SMIM10L1: variants seen among roughly 807,000 people sequenced by gnomAD.
SMIM10L1 encodes the protein small integral membrane protein 10-like protein 1.
In SMIM10L1, 6 loss-of-function variants were observed where a neutral mutation model predicts 4.5. The observed-to-expected ratio is 1.33, with a 90% confidence interval of 0.73 to 2.62. The LOEUF (loss-of-function observed/expected upper bound fraction) is 2.62, where lower values mean the gene tolerates loss of function less well. Ranked by LOEUF, SMIM10L1 falls within the 30% of genes most tolerant of loss-of-function variation. The pLI, the probability that SMIM10L1 is intolerant of heterozygous loss-of-function variation, is 0.00. For synonymous variants in SMIM10L1, 49 were observed against 42.2 expected (o/e 1.16, Z -0.63); for missense variants, 66 against 86.2 (o/e 0.77, Z 0.93).
rs1176468717 is a variant in SMIM10L1, at chr12:11,171,740, AC to A, written c.*178del. On this transcript the variant is annotated 3_prime_UTR_variant, in exon 1 of 1. Transcript: ENST00000622602. The stretch of plus-strand genomic sequence containing the variant: ...CTCCTCAGGGGGCGGCCGGGAGCCT[AC>A]AATCCCTAGAAAGAGAATACGCTGT... 1 of 412,198 alleles carries A rather than the reference AC, an allele frequency of 2.4e-6. No individual in the cohort carries two copies. The highest frequency in any genetic ancestry group is 2.0e-5 in the African/African-American group (1 of 48,990). 25.5% of individuals were successfully genotyped at this position (412,198 alleles called of 1,614,324 possible). A position where few individuals can be genotyped will look rare whatever the true frequency, so the allele number is the denominator to read the frequency against.
At position 11,171,254 on chromosome 12, in the gene SMIM10L1, C is replaced by G; in HGVS notation, c.-103C>G. 1.3e-6 allele frequency: 1 copy of G among 753,360 alleles called. No individual in the cohort carries two copies. The highest frequency in any genetic ancestry group is 3.4e-5 in the East Asian group (1 of 29,390). 46.7% of individuals were successfully genotyped at this position (753,360 alleles called of 1,614,324 possible). A position where few individuals can be genotyped will look rare whatever the true frequency, so the allele number is the denominator to read the frequency against. On this transcript the variant is annotated 5_prime_UTR_variant, in exon 1 of 1. Transcript: ENST00000622602. The stretch of plus-strand genomic sequence containing the variant: ...GCAAGCTTGGGTGTGAGCCCGGGAG[C>G]CGCTTTGCTTACCGTCCTGCCGGTC...
In SMIM10L1 at chr12:11,172,998, A is replaced by G. The variant is rs1021938401; in HGVS notation, c.*1435A>G. ...TACACATGTTTTCTTCGGATTAAAA[A>G]AACTAATAATAAATCACCAAGAGTG... On this transcript the variant is annotated 3_prime_UTR_variant, in exon 1 of 1. Transcript: ENST00000622602. 2 of 152,234 alleles carry G rather than the reference A, an allele frequency of 1.3e-5. No individual in the cohort carries two copies. Among genetic ancestry groups the G allele is most frequent in the African/African-American group, 4.8e-5 (2 of 41,462 alleles). 9.4% of individuals were successfully genotyped at this position (152,234 alleles called of 1,614,324 possible).
Position 11,172,429 on chromosome 12 carries a change from T to G in SMIM10L1, c.*866T>G, listed in dbSNP as rs994549330. 1 of 152,188 alleles carries G rather than the reference T, an allele frequency of 6.6e-6. No homozygotes were observed. Among genetic ancestry groups the G allele is most frequent in the Admixed American group, 6.5e-5 (1 of 15,282 alleles). 9.4% of individuals were successfully genotyped at this position (152,188 alleles called of 1,614,324 possible). Reference sequence around the variant, plus strand: ...GGAAGTAAATGGAATGGGGGTTATGTCCTTATAAAGTGGAAACTTGAAAGG... The same window carrying G: ...GGAAGTAAATGGAATGGGGGTTATGGCCTTATAAAGTGGAAACTTGAAAGG... On this transcript the variant is annotated 3_prime_UTR_variant, in exon 1 of 1. Transcript: ENST00000622602.
Position 11,175,878 on chromosome 12 carries a change from T to G in SMIM10L1, c.*4315T>G, listed in dbSNP as rs1947938947. ...CCCAAAATAATTCCCTTACCCCTTT[T>G]GCCATGTAAGGTTATAGGGAAAAGT... On this transcript the variant is annotated 3_prime_UTR_variant, in exon 1 of 1. Coordinates refer to ENST00000622602, the MANE Select transcript of SMIM10L1 (RefSeq NM_001271592.2). The G allele has an allele frequency of 6.6e-6, 1 of 152,270 alleles. No homozygotes were observed. The highest frequency in any genetic ancestry group is 1.5e-5 in the Non-Finnish European group (1 of 68,030). 9.4% of individuals were successfully genotyped at this position (152,270 alleles called of 1,614,324 possible).
Position 11,172,997 on chromosome 12 carries a change from AAAAC to A in SMIM10L1, c.*1435_*1438del, listed in dbSNP as rs1947888321. The A allele has an allele frequency of 6.6e-6, 1 of 152,210 alleles. No homozygotes were observed. Among genetic ancestry groups the A allele is most frequent in the Non-Finnish European group, 1.5e-5 (1 of 68,026 alleles). The allele number at this position is 152,210 out of a possible 1,614,324, so 9.4% of individuals were successfully genotyped here. On this transcript the variant is annotated 3_prime_UTR_variant, in exon 1 of 1. Coordinates refer to ENST00000622602, the MANE Select transcript of SMIM10L1 (RefSeq NM_001271592.2). The stretch of plus-strand genomic sequence containing the variant: ...ATACACATGTTTTCTTCGGATTAAA[AAAAC>A]TAATAATAAATCACCAAGAGTGGTA...
Position 11,174,799 on chromosome 12 carries a change from A to G in SMIM10L1, c.*3236A>G, listed in dbSNP as rs1266328694. 1 of 152,516 alleles carries G rather than the reference A, an allele frequency of 6.6e-6. No homozygotes were observed. Among genetic ancestry groups the G allele is most frequent in the Non-Finnish European group, 1.5e-5 (1 of 67,994 alleles). 9.4% of individuals were successfully genotyped at this position (152,516 alleles called of 1,614,324 possible). On this transcript the variant is annotated 3_prime_UTR_variant, in exon 1 of 1. Transcript: ENST00000622602. ...AGTTTTTAATACCAGGAACTATGAAAAACTATTTATATACATGAGCTCCGT... is the reference window on the plus strand; with the variant it reads ...AGTTTTTAATACCAGGAACTATGAAGAACTATTTATATACATGAGCTCCGT...
rs1947913655 is a variant in SMIM10L1 at position 11,174,104 on chromosome 12, C to T, written c.*2541C>T. 1 of 151,808 alleles carries T rather than the reference C, an allele frequency of 6.6e-6. No individual in the cohort carries two copies. The highest frequency in any genetic ancestry group is 1.5e-5 in the Non-Finnish European group (1 of 67,920). The allele number at this position is 151,808 out of a possible 1,614,324, so 9.4% of individuals were successfully genotyped here. On this transcript the variant is annotated 3_prime_UTR_variant, in exon 1 of 1. Coordinates refer to ENST00000622602, the MANE Select transcript of SMIM10L1 (RefSeq NM_001271592.2). Reference sequence around the variant, plus strand: ...GGTAAATGTAAACTCTGTGGTTTATCATTTATTCACAATTGCTCTTAATTC... The same window carrying T: ...GGTAAATGTAAACTCTGTGGTTTATTATTTATTCACAATTGCTCTTAATTC...
Position 11,174,742 on chromosome 12 carries a change from A to G in SMIM10L1, c.*3179A>G, listed in dbSNP as rs895375769. On this transcript the variant is annotated 3_prime_UTR_variant, in exon 1 of 1. Transcript: ENST00000622602. ...GTGATTACTTGACAAATAGCATATC[A>G]TTACCATCAGCATCATTTTTAAAAT... 2.6e-5 allele frequency: 4 copies of G among 152,268 alleles called. No individual in the cohort carries two copies. The highest frequency in any genetic ancestry group is 9.7e-5 in the African/African-American group (4 of 41,318). The allele number at this position is 152,268 out of a possible 1,614,324, so 9.4% of individuals were successfully genotyped here. A position where few individuals can be genotyped will look rare whatever the true frequency, so the allele number is the denominator to read the frequency against.
In SMIM10L1 at chr12:11,173,337, T is replaced by C. The variant is rs539697063; in HGVS notation, c.*1774T>C. On this transcript the variant is annotated 3_prime_UTR_variant, in exon 1 of 1. Transcript: ENST00000622602. Reference sequence around the variant, plus strand: ...TTTCTACCTGAAGATACTCTGTGTTTTAAAGCTAAGCTTAGGTGGCGCTTT... The same window carrying C: ...TTTCTACCTGAAGATACTCTGTGTTCTAAAGCTAAGCTTAGGTGGCGCTTT... The C allele has an allele frequency of 7.2e-5, 11 of 152,338 alleles. No homozygotes were observed. Among genetic ancestry groups the C allele is most frequent in the African/African-American group, 2.6e-4 (11 of 41,564 alleles). The allele number at this position is 152,338 out of a possible 1,614,324, so 9.4% of individuals were successfully genotyped here. A position where few individuals can be genotyped will look rare whatever the true frequency, so the allele number is the denominator to read the frequency against.
rs554659272 is a variant in SMIM10L1, at chr12:11,172,017, C to T, written c.*454C>T. Reference sequence around the variant, plus strand: ...TGATATAGAAGGTACATATTTCATCCCACAAGAGAAAACAATAATAATCAG... The same window carrying T: ...TGATATAGAAGGTACATATTTCATCTCACAAGAGAAAACAATAATAATCAG... On this transcript the variant is annotated 3_prime_UTR_variant, in exon 1 of 1. Transcript: ENST00000622602. 2.0e-5 allele frequency: 3 copies of T among 152,450 alleles called. No homozygotes were observed. Among genetic ancestry groups the T allele is most frequent in the Admixed American group, 6.5e-5 (1 of 15,280 alleles). The allele number at this position is 152,450 out of a possible 1,614,324, so 9.4% of individuals were successfully genotyped here. A position where few individuals can be genotyped will look rare whatever the true frequency, so the allele number is the denominator to read the frequency against.
Position 11,173,536 on chromosome 12 carries a change from A to G in SMIM10L1, c.*1973A>G, listed in dbSNP as rs1263300883. 2.6e-5 allele frequency: 4 copies of G among 152,228 alleles called. No homozygotes were observed. Among genetic ancestry groups the G allele is most frequent in the African/African-American group, 9.6e-5 (4 of 41,466 alleles). The allele number at this position is 152,228 out of a possible 1,614,324, so 9.4% of individuals were successfully genotyped here. On this transcript the variant is annotated 3_prime_UTR_variant, in exon 1 of 1. Transcript: ENST00000622602. ...ATAAGCCAAAACATTTTAGTCTAAAATATCAGAAGTGTAGTTTAATCAATG... is the reference window on the plus strand; with the variant it reads ...ATAAGCCAAAACATTTTAGTCTAAAGTATCAGAAGTGTAGTTTAATCAATG...
chr12:11,171,676 A>T lies in SMIM10L1; in HGVS notation c.*113A>T, dbSNP rs970313368. 3 of 773,004 alleles carry T rather than the reference A, an allele frequency of 3.9e-6. No homozygotes were observed. Among genetic ancestry groups the T allele is most frequent in the African/African-American group, 1.8e-5 (1 of 55,922 alleles). 47.9% of individuals were successfully genotyped at this position (773,004 alleles called of 1,614,324 possible). A position where few individuals can be genotyped will look rare whatever the true frequency, so the allele number is the denominator to read the frequency against. ...GCCCCACAGTCTCGCGAGAGTGCTC[A>T]GGCGCTCTTCGTGGCTGCCCTCTTA... On this transcript the variant is annotated 3_prime_UTR_variant, in exon 1 of 1. Transcript: ENST00000622602.
chr12:11,174,724 C>T lies in SMIM10L1; in HGVS notation c.*3161C>T, dbSNP rs1333265911. On this transcript the variant is annotated 3_prime_UTR_variant, in exon 1 of 1. Transcript: ENST00000622602. Reference sequence around the variant, plus strand: ...TTCTGGGTAAAAATACATGTGATTACTTGACAAATAGCATATCATTACCAT... The same window carrying T: ...TTCTGGGTAAAAATACATGTGATTATTTGACAAATAGCATATCATTACCAT... The T allele has an allele frequency of 6.6e-6, 1 of 150,692 alleles. No individual in the cohort carries two copies. The highest frequency in any genetic ancestry group is 1.5e-5 in the Non-Finnish European group (1 of 67,670). 9.3% of individuals were successfully genotyped at this position (150,692 alleles called of 1,614,324 possible). A position where few individuals can be genotyped will look rare whatever the true frequency, so the allele number is the denominator to read the frequency against.
Position 11,171,332 on chromosome 12 carries a change from C to G in SMIM10L1, c.-25C>G. 8.1e-7 allele frequency: 1 copy of G among 1,227,984 alleles called. No individual in the cohort carries two copies. The highest frequency in any genetic ancestry group is 1.0e-6 in the Non-Finnish European group (1 of 984,318). 76.1% of individuals were successfully genotyped at this position (1,227,984 alleles called of 1,614,324 possible). A position where few individuals can be genotyped will look rare whatever the true frequency, so the allele number is the denominator to read the frequency against. On this transcript the variant is annotated 5_prime_UTR_variant, in exon 1 of 1. Transcript: ENST00000622602. ...CCTGCGGCAACCCTCGCTACAGACGCTGGGCGGGCGGCGACACCTGGCTCA... is the reference window on the plus strand; with the variant it reads ...CCTGCGGCAACCCTCGCTACAGACGGTGGGCGGGCGGCGACACCTGGCTCA...
rs550270594 is a variant in SMIM10L1 at position 11,175,321 on chromosome 12, C to T, written c.*3758C>T. 3 of 152,258 alleles carry T rather than the reference C, an allele frequency of 2.0e-5. No homozygotes were observed. The East Asian group carries it at 5.8e-4, about 29-fold the overall frequency. 9.4% of individuals were successfully genotyped at this position (152,258 alleles called of 1,614,324 possible). ...ACAATGTTAAATTTTGAAGCCATGT[C>T]TGTTCCTGTCCTGAGGATCCCTAAC... On this transcript the variant is annotated 3_prime_UTR_variant, in exon 1 of 1. Coordinates refer to ENST00000622602, the MANE Select transcript of SMIM10L1 (RefSeq NM_001271592.2).
In SMIM10L1 at chr12:11,173,395, A is replaced by G. The variant is rs191669187; in HGVS notation, c.*1832A>G. Reference sequence around the variant, plus strand: ...AAATTTTTCCTGGATTCCACTGACCATATAGGAGCTCACTTCTTTTAATCC... The same window carrying G: ...AAATTTTTCCTGGATTCCACTGACCGTATAGGAGCTCACTTCTTTTAATCC... On this transcript the variant is annotated 3_prime_UTR_variant, in exon 1 of 1. Coordinates refer to ENST00000622602, the MANE Select transcript of SMIM10L1 (RefSeq NM_001271592.2). 2.6e-5 allele frequency: 4 copies of G among 152,272 alleles called. No individual in the cohort carries two copies. The highest frequency in any genetic ancestry group is 1.9e-4 in the East Asian group (1 of 5,190). The allele number at this position is 152,272 out of a possible 1,614,324, so 9.4% of individuals were successfully genotyped here.
rs1192107588 is a variant in SMIM10L1, at chr12:11,171,321, C to G, written c.-36C>G. The G allele has an allele frequency of 2.5e-6, 3 of 1,217,448 alleles. No homozygotes were observed. The highest frequency in any genetic ancestry group is 3.1e-6 in the Non-Finnish European group (3 of 974,822). 75.4% of individuals were successfully genotyped at this position (1,217,448 alleles called of 1,614,324 possible). A position where few individuals can be genotyped will look rare whatever the true frequency, so the allele number is the denominator to read the frequency against. ...GGTCCGCGGGCCCTGCGGCAACCCT[C>G]GCTACAGACGCTGGGCGGGCGGCGA... On this transcript the variant is annotated 5_prime_UTR_variant, in exon 1 of 1. Transcript: ENST00000622602.
At position 11,171,718 on chromosome 12, in the gene SMIM10L1, C is replaced by T. The variant is rs559411793; in HGVS notation, c.*155C>T. 9.5e-4 allele frequency: 449 copies of T among 474,460 alleles called. 1 individual carries two copies. Among genetic ancestry groups the T allele is most frequent in the Non-Finnish European group, 1.3e-3 (398 of 296,842 alleles). 29.4% of individuals were successfully genotyped at this position (474,460 alleles called of 1,614,324 possible). A position where few individuals can be genotyped will look rare whatever the true frequency, so the allele number is the denominator to read the frequency against. Reference sequence around the variant, plus strand: ...GCCCTCTTAGCTGCTAGCGGAGCTCCTCAGGGGGCGGCCGGGAGCCTACAA... The same window carrying T: ...GCCCTCTTAGCTGCTAGCGGAGCTCTTCAGGGGGCGGCCGGGAGCCTACAA... On this transcript the variant is annotated 3_prime_UTR_variant, in exon 1 of 1. Coordinates refer to ENST00000622602, the MANE Select transcript of SMIM10L1 (RefSeq NM_001271592.2).
At position 11,174,093 on chromosome 12, in the gene SMIM10L1, CTG is replaced by C. The variant is rs997460577; in HGVS notation, c.*2533_*2534del. ...ATGTATTAGGAGGTAAATGTAAACT[CTG>C]TGGTTTATCATTTATTCACAATTGC... On this transcript the variant is annotated 3_prime_UTR_variant, in exon 1 of 1. Coordinates refer to ENST00000622602, the MANE Select transcript of SMIM10L1 (RefSeq NM_001271592.2). 7 of 151,708 alleles carry C rather than the reference CTG, an allele frequency of 4.6e-5. No homozygotes were observed. The highest frequency in any genetic ancestry group is 1.0e-4 in the Non-Finnish European group (7 of 67,914). 9.4% of individuals were successfully genotyped at this position (151,708 alleles called of 1,614,324 possible). A position where few individuals can be genotyped will look rare whatever the true frequency, so the allele number is the denominator to read the frequency against.
Sources: gnomAD v4.1 joint callset for allele counts on GRCh38, gnomAD v4.1.1 for gene constraint, MANE v1.5 for transcripts, NCBI Gene and HGNC (gene_info 2026-07-23, HGNC 2026-07-21) for gene names.